SNX8: variants seen among roughly 807,000 people sequenced by gnomAD.
SNX8 encodes the protein sorting nexin-8.
SNX8 carries 25 observed loss-of-function variants against 51.6 expected under a neutral mutation model. The ratio of observed to expected loss-of-function variants is 0.48; its 90% CI spans 0.35 to 0.68. The LOEUF is 0.68. Among genes scored for constraint, SNX8 ranks in the 30% least tolerant of loss-of-function variants. The pLI, the probability that SNX8 is intolerant of heterozygous loss-of-function variation, is 0.00. For synonymous variants in SNX8, 324 were observed against 277.0 expected, an observed-to-expected ratio of 1.17 and a Z score of -1.68; for missense variants, 695 against 624.0, an observed-to-expected ratio of 1.11 and a Z score of -1.21.
chr7:2,301,081 C>T (rs1249017531), intron 1 of SNX8, among the ~76,000 whole-genome samples: 3 of 152,204 alleles, frequency 2.0e-5, no homozygotes, highest in Admixed American at 1.3e-4. Flanking sequence ...AAGTGCATTC[C>T]TGTTCTGAAA....
At chr7:2,312,125 C>T (rs564634027) in intron 1 of SNX8, among the ~76,000 whole-genome samples, 3 of 152,212 alleles carry the variant, frequency 2.0e-5, no homozygotes, top group Admixed American at 2.0e-4. Flanking sequence ...ATCCCATCAG[C>T]ACTCCTGATG....
intron 1 of SNX8, among the ~76,000 whole-genome samples, chr7:2,306,117 T>G (rs763296818): frequency 6.6e-6 from 1 of 152,186 alleles, no homozygotes; most frequent in Non-Finnish European, 1.5e-5. Flanking sequence ...TGAGCCACTG[T>G]GCCCAACCCG....
upstream of SNX8, among the ~76,000 whole-genome samples, chr7:2,318,658 G>A (rs890918743): frequency 1.3e-5 from 2 of 151,414 alleles, no homozygotes; most frequent in African/African-American, 4.9e-5. Flanking sequence ...TTGCGCCATT[G>A]TACTCCAGCT....
intron 1 of SNX8, among the ~76,000 whole-genome samples, chr7:2,313,160 A>T (rs1796691660): frequency 6.6e-6 from 1 of 151,722 alleles, no homozygotes; most frequent in Admixed American, 6.6e-5. Context: ...CGGCCTCCCA[A>T]AGTGCTGAGA....
rs534898220 is a variant in SNX8, at chr7:2,335,855, A to AT, written c.-66+18366dup. On this transcript the variant is annotated intron_variant, in intron 1 of 5. Coordinates refer to the SNX8 transcript ENST00000435336. ...TCTACAGTAGGCAAAACTTGATGGA[A>AT]TTTCAGAAAAATGAATGTTAATTTG... Among the ~76,000 whole-genome samples the AT allele has an allele frequency of 4.5e-3, 676 of 151,700 alleles. 7 individuals carry two copies. Among genetic ancestry groups the AT allele is most frequent in the Non-Finnish European group, 6.4e-3 (433 of 67,938 alleles).
chr7:2,318,842 T>A (rs1345279350), upstream of SNX8, among the ~76,000 whole-genome samples: 1 of 127,052 alleles, frequency 7.9e-6, no homozygotes, highest in African/African-American at 3.6e-5. Context: ...TGAGACCCCA[T>A]CTCTAAAAAA....
At position 2,256,995 on chromosome 7, in the gene SNX8, A is replaced by C; in HGVS notation, c.1163T>G (p.Leu388Arg). ...GCAGTACAGGGAGAAGTAGTTCCGC[A>C]GCTCCATCGTCTGAATCGCGTTCTC... is the stretch of plus-strand genomic sequence containing the variant. Reference protein sequence around the residue: ...EQENAIQTMELRNYFSLYCLH... With the variant: ...EQENAIQTMERRNYFSLYCLH... The change falls in exon 10 of 11, where the codon CTG becomes CGG. Residue 388 changes from leucine to arginine, a missense_variant. By Grantham distance (102) the Leu-to-Arg change is moderately radical. Coordinates refer to ENST00000222990, the MANE Select transcript of SNX8 (RefSeq NM_013321.4). 1.2e-6 allele frequency: 2 copies of C among 1,611,442 alleles called. No homozygotes were observed. The highest frequency in any genetic ancestry group is 1.7e-6 in the Non-Finnish European group (2 of 1,178,624).
intron 1 of SNX8, among the ~76,000 whole-genome samples, chr7:2,348,950 C>CCA (rs1779085972): frequency 1.8e-5 from 1 of 55,744 alleles, no homozygotes. Flanking sequence ...GACTCTGTCT[C>CCA]AAAAAAAAAA....
rs1795145385 is a variant in SNX8, at chr7:2,255,110, G to C, written c.1344C>G (p.His448Gln). 3 of 1,580,912 alleles carry C rather than the reference G, an allele frequency of 1.9e-6. No homozygotes were observed. Residue 448 changes from histidine to glutamine, a missense_variant, in exon 11 of 11, where the codon CAC becomes CAG. Transcript: ENST00000222990. ...GGGAGCACGGTGGGGTCAGGGTGCT[G>C]TGTGGTCCCGCAAAGAGGCAGCTGA... ...PKLSCLFAGP[H>Q]STLTPPCSPP...
intron 1 of SNX8, among the ~76,000 whole-genome samples, chr7:2,325,896 A>G (rs1778615302): frequency 6.6e-6 from 1 of 152,176 alleles, no homozygotes; most frequent in Non-Finnish European, 1.5e-5. Flanking sequence ...GTTCTTGGAA[A>G]CTGGAGAAAG....
intron 1 of SNX8, among the ~76,000 whole-genome samples, chr7:2,296,234 G>T (rs572680811): frequency 6.6e-6 from 1 of 151,714 alleles, no homozygotes; most frequent in African/African-American, 2.4e-5. Flanking sequence ...ATTTGTTTGT[G>T]TCATCTATGA....
Position 2,269,646 on chromosome 7 carries a change from A to G in SNX8, c.541-7T>C, listed in dbSNP as rs368545150. On this transcript the variant is annotated splice_polypyrimidine_tract_variant and splice_region_variant and intron_variant, in intron 4 of 10. Transcript: ENST00000222990. ...TTAACTTGTTCTGCACATCCTGCAA[A>G]AGGAAAACACACAGCTTCACCCTCT... 1.3e-6 allele frequency: 2 copies of G among 1,589,462 alleles called. No homozygotes were observed. The highest frequency in any genetic ancestry group is 2.7e-5 in the African/African-American group (2 of 74,062).
At chr7:2,268,412 C>T (rs1174271796) in intron 5 of SNX8, among the ~76,000 whole-genome samples, 2 of 139,890 alleles carry the variant, frequency 1.4e-5, no homozygotes, top group African/African-American at 5.3e-5. Context: ...AAGTGAGGAG[C>T]GTCTCCGCCC....
At chr7:2,283,545 G>A (rs1415924382) in intron 1 of SNX8, among the ~76,000 whole-genome samples, 1 of 152,210 alleles carries the variant, frequency 6.6e-6, no homozygotes. Flanking sequence ...TAGTGGCAGG[G>A]AGGACCTGAA....
chr7:2,282,537 C>T (rs1456475728), intron 1 of SNX8, among the ~76,000 whole-genome samples: 1 of 152,212 alleles, frequency 6.6e-6, no homozygotes, highest in South Asian at 2.1e-4. Flanking sequence ...CAGAAGGTAA[C>T]GAAACTTCAA....
intron 1 of SNX8, among the ~76,000 whole-genome samples, chr7:2,284,747 A>G (rs1795984698): frequency 1.3e-5 from 2 of 152,050 alleles, no homozygotes; most frequent in South Asian, 4.2e-4. Context: ...ATGAAAAACG[A>G]CAAGTCAGAC....
At chr7:2,289,082 C>A (rs1410615049) in intron 1 of SNX8, among the ~76,000 whole-genome samples, 1 of 152,100 alleles carries the variant, frequency 6.6e-6, no homozygotes, top group Non-Finnish European at 1.5e-5. Flanking sequence ...TTCCTTTGTT[C>A]CTGACGTCTT....
chr7:2,325,750 T>G (rs565416960), intron 1 of SNX8, among the ~76,000 whole-genome samples: 115 of 152,202 alleles, frequency 7.6e-4, no homozygotes, highest in Middle Eastern at 3.4e-3. Context: ...GAGAATTGCT[T>G]GAACTTGGGA....
chr7:2,345,369 G>A (rs900944621), intron 1 of SNX8, among the ~76,000 whole-genome samples: 3 of 152,058 alleles, frequency 2.0e-5, no homozygotes, highest in Non-Finnish European at 4.4e-5. Flanking sequence ...TGAACCAAAG[G>A]GGACAAATAA....
Sources: gnomAD v4.1 joint callset for allele counts (sites outside exome capture counted in the v4.1 genomes callset) on GRCh38, gnomAD v4.1.1 for gene constraint, MANE v1.5 for transcripts, NCBI Gene and HGNC (gene_info 2026-07-23, HGNC 2026-07-21) for gene names.